Variants in PTPRD observed in about 807,000 individuals in gnomAD.
The protein encoded by PTPRD is protein tyrosine phosphatase receptor type D, also known as receptor-type tyrosine-protein phosphatase delta.
In PTPRD, 34 loss-of-function variants were observed where a neutral mutation model predicts 214.5. The observed-to-expected ratio is 0.16, with a 90% confidence interval of 0.12 to 0.21. PTPRD has a LOEUF of 0.21. Among genes scored for constraint, PTPRD ranks in the 10% least tolerant of loss-of-function variants. The pLI is 1.00. For synonymous variants in PTPRD, 1,128 were observed against 845.7 expected (o/e 1.33, Z -5.79); for missense variants, 2,545 against 2,398.7 (o/e 1.06, Z -1.27).
chr9:10,194,157 C>T (rs995508328), intron 3 of PTPRD, among the ~76,000 whole-genome samples: 84 of 152,072 alleles, frequency 5.5e-4, no homozygotes, highest in African/African-American at 1.9e-3. Context: ...CTTAGCTTAT[C>T]ATTGATGCCT....
intron 14 of PTPRD, among the ~76,000 whole-genome samples, chr9:8,616,981 G>A (rs914945642): frequency 6.6e-6 from 1 of 152,120 alleles, no homozygotes; most frequent in Non-Finnish European, 1.5e-5. Context: ...GATTATCAGT[G>A]TATAAAATGG....
Position 10,536,204 on chromosome 9 carries a change from G to A in PTPRD, c.-600+76194C>T, listed in dbSNP as rs2057759112. Among the ~76,000 whole-genome samples, 5 of 152,036 alleles carry A rather than the reference G, an allele frequency of 3.3e-5. No homozygotes were observed. In the South Asian group the frequency reaches 1.0e-3, roughly 32 times the overall value. On this transcript the variant is annotated intron_variant, in intron 2 of 45. Coordinates refer to ENST00000381196, the MANE Select transcript of PTPRD (RefSeq NM_002839.4). ...ATATTACTGTGATACACATATACAG[G>A]TGAATTATTAAAGCAATTATATAGG...
At chr9:9,930,022 G>A (rs953485905) in intron 5 of PTPRD, among the ~76,000 whole-genome samples, 4 of 152,072 alleles carry the variant, frequency 2.6e-5, no homozygotes, top group Non-Finnish European at 4.4e-5. Flanking sequence ...TCAGTCTGTA[G>A]GAAACAAAAC....
chr9:8,823,870 A>T (rs2097125170), intron 11 of PTPRD, among the ~76,000 whole-genome samples: 1 of 152,244 alleles, frequency 6.6e-6, no homozygotes, highest in African/African-American at 2.4e-5. Flanking sequence ...TGGCTACTTT[A>T]TAGACAGAGT....
chr9:8,560,813 A>T (rs2085934851), intron 14 of PTPRD, among the ~76,000 whole-genome samples: 1 of 152,164 alleles, frequency 6.6e-6, no homozygotes, highest in Admixed American at 6.5e-5. Context: ...GGAAATCTCT[A>T]CTGGCAAATG....
rs779649933 is a variant in PTPRD at position 8,338,903 on chromosome 9, G to A, written c.5379+19C>T. On this transcript the variant is annotated intron_variant, in intron 43 of 45. Coordinates refer to ENST00000381196, the MANE Select transcript of PTPRD (RefSeq NM_002839.4). ...ACTTTTCAGCTAATGGTTAAGAGTTGAAGACTGTGCCAACTTACCCTGGCA... is the reference window on the plus strand; with the variant it reads ...ACTTTTCAGCTAATGGTTAAGAGTTAAAGACTGTGCCAACTTACCCTGGCA... 5.7e-6 allele frequency: 9 copies of A among 1,588,390 alleles called. No homozygotes were observed. In the Admixed American group the frequency reaches 1.2e-4, roughly 21 times the overall value.
chr9:8,683,833 C>T (rs1043907895), intron 12 of PTPRD, among the ~76,000 whole-genome samples: 1 of 152,184 alleles, frequency 6.6e-6, no homozygotes, highest in Admixed American at 6.5e-5. Flanking sequence ...TTTTCTTCCC[C>T]GACCAGAACC....
At position 9,696,601 on chromosome 9, in the gene PTPRD, T is replaced by C. The variant is rs1485183295; in HGVS notation, c.-287+37932A>G. 2.0e-5 allele frequency among the ~76,000 whole-genome samples: 3 copies of C among 152,164 alleles called. No homozygotes were observed. The South Asian group carries it at 6.2e-4, about 31-fold the overall frequency. ...TAGTATTTGACTTAAAAGTCTATGT[T>C]ATCTGATTTAAATATAGCTACTCTT... On this transcript the variant is annotated intron_variant, in intron 7 of 45. Coordinates refer to ENST00000381196, the MANE Select transcript of PTPRD (RefSeq NM_002839.4).
At chr9:8,815,969 C>T (rs1246525333) in intron 11 of PTPRD, among the ~76,000 whole-genome samples, 1 of 152,128 alleles carries the variant, frequency 6.6e-6, no homozygotes, top group Non-Finnish European at 1.5e-5. Context: ...TTTTTGTACA[C>T]AATTGCTGTG....
At chr9:8,883,370 C>T (rs2098462170) in intron 11 of PTPRD, among the ~76,000 whole-genome samples, 2 of 152,152 alleles carry the variant, frequency 1.3e-5, no homozygotes, top group South Asian at 4.1e-4. Flanking sequence ...TAAAATCCTT[C>T]TCAGCACAAA....
intron 8 of PTPRD, among the ~76,000 whole-genome samples, chr9:9,539,905 C>T (rs2077242616): frequency 6.6e-6 from 1 of 151,806 alleles, no homozygotes; most frequent in Non-Finnish European, 1.5e-5. Context: ...AAATGTGATA[C>T]CATTCTCACA....
intron 10 of PTPRD, among the ~76,000 whole-genome samples, chr9:9,152,711 C>T (rs147871859): frequency 1.8e-3 from 279 of 152,244 alleles, no homozygotes; most frequent in Non-Finnish European, 3.4e-3. Flanking sequence ...CATTTGTCAC[C>T]CAGTGGTTTC....
intron 2 of PTPRD, among the ~76,000 whole-genome samples, chr9:10,480,142 A>T (rs915060172): frequency 1.2e-4 from 18 of 152,182 alleles, no homozygotes; most frequent in Non-Finnish European, 2.4e-4. Flanking sequence ...AAAATTAAAC[A>T]GAAGATAAAT....
At chr9:9,623,034 C>T (rs959638922) in intron 7 of PTPRD, among the ~76,000 whole-genome samples, 1 of 152,178 alleles carries the variant, frequency 6.6e-6, no homozygotes, top group South Asian at 2.1e-4. Flanking sequence ...CTTAGGCATT[C>T]AATCAACCAT....
At position 10,323,316 on chromosome 9, in the gene PTPRD, C is replaced by G. The variant is rs114138576; in HGVS notation, c.-545+17647G>C. Among the ~76,000 whole-genome samples, 1,274 of 129,224 alleles carry G rather than the reference C, an allele frequency of 9.9e-3. 7 individuals are homozygous for G. Among genetic ancestry groups the G allele is most frequent in the Non-Finnish European group, 0.013 (826 of 61,794 alleles). 84.8% of individuals were successfully genotyped at this position (129,224 alleles called of 152,430 possible). A position where few individuals can be genotyped will look rare whatever the true frequency, so the allele number is the denominator to read the frequency against. ...TCCCCTCCCCTCCCATTCCCTTCCT[C>G]TTTTTCAGATGGGGTCTCACTCCAT... On this transcript the variant is annotated intron_variant, in intron 3 of 45. Transcript: ENST00000381196.
chr9:8,404,482 G>A lies in PTPRD; in HGVS notation c.4210+55C>T, dbSNP rs1589605824. ...AACCTCACTAAAACAATATTCTCAT[G>A]CACATACTCAAATCCATGAAAATAA... On this transcript the variant is annotated intron_variant, in intron 36 of 45. Transcript: ENST00000381196. 5.1e-6 allele frequency: 8 copies of A among 1,573,840 alleles called. No homozygotes were observed. The East Asian group carries it at 1.8e-4, about 36-fold the overall frequency.
chr9:10,494,154 T>G (rs2041278909), intron 2 of PTPRD, among the ~76,000 whole-genome samples: 2 of 151,944 alleles, frequency 1.3e-5, no homozygotes, highest in Non-Finnish European at 2.9e-5. Flanking sequence ...CAGTTCAATT[T>G]AAGCCCAGAT....
At chr9:10,230,971 C>T (rs1027049660) in intron 3 of PTPRD, among the ~76,000 whole-genome samples, 2 of 151,882 alleles carry the variant, frequency 1.3e-5, no homozygotes, top group African/African-American at 4.8e-5. Context: ...CTTGAAGTTC[C>T]TTTGGGTCTG....
rs1035248825 is a variant in PTPRD, at chr9:8,703,136, A to G, written c.64+30644T>C. Among the ~76,000 whole-genome samples the G allele has an allele frequency of 2.6e-5, 4 of 152,352 alleles. No individual in the cohort carries two copies. In the East Asian group the frequency reaches 7.7e-4, roughly 29 times the overall value. On this transcript the variant is annotated intron_variant, in intron 12 of 45. Transcript: ENST00000381196. The stretch of plus-strand genomic sequence containing the variant: ...GAAAAAGTACTTGGGGATTATACCA[A>G]TAGTGAATCTGGAAATCTATTTAGA...
Sources: allele counts gnomAD v4.1 joint callset (sites outside exome capture counted in the v4.1 genomes callset), GRCh38; gene constraint gnomAD v4.1.1; transcripts MANE v1.5; gene names NCBI Gene and HGNC (gene_info 2026-07-23, HGNC 2026-07-21).